LNX2: variants seen among roughly 807,000 people sequenced by gnomAD.
LNX2 encodes the protein ligand of Numb protein X 2.
A neutral mutation model predicts 66.2 loss-of-function variants in LNX2; 35 were observed. The observed-to-expected ratio is 0.53, with a 90% confidence interval of 0.40 to 0.70. LNX2 has a LOEUF of 0.70. Among genes scored for constraint, LNX2 ranks in the 30% least tolerant of loss-of-function variants. The pLI, the probability that LNX2 is intolerant of heterozygous loss-of-function variation, is 0.00. For missense variants in LNX2, 791 were observed against 850.8 expected (o/e 0.93, Z 0.87); for synonymous variants, 337 against 315.6 (o/e 1.07, Z -0.72).
At chr13:27,568,745 G>A (rs1054859301) in intron 3 of LNX2, among the ~76,000 whole-genome samples, 2 of 152,046 alleles carry the variant, frequency 1.3e-5, no homozygotes, top group Admixed American at 6.5e-5. Flanking sequence ...TAATAACCAC[G>A]CGAATGACTA....
intron 2 of LNX2, among the ~76,000 whole-genome samples, chr13:27,579,477 G>T (rs1955375426): frequency 6.6e-6 from 1 of 152,154 alleles, no homozygotes; most frequent in Admixed American, 6.5e-5. Flanking sequence ...GCTGGAAAAT[G>T]AAACCTTCAA....
intron 1 of LNX2, among the ~76,000 whole-genome samples, chr13:27,617,497 G>C (rs1469904373): frequency 6.6e-6 from 1 of 152,220 alleles, no homozygotes; most frequent in Non-Finnish European, 1.5e-5. Flanking sequence ...AAAGAAAGAA[G>C]AGGGGAAGAA....
chr13:27,603,690 G>T (rs2138458135), intron 1 of LNX2, among the ~76,000 whole-genome samples: 1 of 152,194 alleles, frequency 6.6e-6, no homozygotes, highest in Admixed American at 6.5e-5. Context: ...CCTGTCAAGG[G>T]GCAGCCAATC....
At chr13:27,562,888 A>G in intron 4 of LNX2, 107 bp from the exon 5 acceptor site, 1 of 1,127,946 alleles carries the variant, frequency 8.9e-7, no homozygotes, top group Non-Finnish European at 1.3e-6. Flanking sequence ...TGAGAGTGCT[A>G]AGTATGGTGA....
At chr13:27,619,444 G>A (rs1955867278) in intron 1 of LNX2, among the ~76,000 whole-genome samples, 2 of 152,212 alleles carry the variant, frequency 1.3e-5, no homozygotes, top group African/African-American at 4.8e-5. Context: ...CCTGTCCTGG[G>A]AAGAAGGCCA....
chr13:27,599,562 T>TA (rs1242835234), intron 1 of LNX2, among the ~76,000 whole-genome samples: 1 of 152,194 alleles, frequency 6.6e-6, no homozygotes, highest in Non-Finnish European at 1.5e-5. Flanking sequence ...ACAATATACT[T>TA]ATGTTCTAAC....
At chr13:27,550,060 TA>T (rs1461444302) in intron 9 of LNX2, among the ~76,000 whole-genome samples, 1 of 152,224 alleles carries the variant, frequency 6.6e-6, no homozygotes, top group Non-Finnish European at 1.5e-5. Context: ...CATTTCAGTC[TA>T]GATCGGGATT....
chr13:27,567,768 T>G lies in LNX2; in HGVS notation c.727A>C (p.Ile243Leu). 1 of 1,613,824 alleles carries G rather than the reference T, an allele frequency of 6.2e-7. No homozygotes were observed. Among genetic ancestry groups the G allele is most frequent in the Non-Finnish European group, 8.5e-7 (1 of 1,179,796 alleles). Residue 243 changes from isoleucine (I) to leucine (L), a missense_variant, in exon 4 of 10, where the codon ATT (isoleucine) becomes CTT (leucine). Transcript: ENST00000316334. ...TIEIHRSNPYIQLGISIVGGN... is the reference protein window; with the variant it reads ...TIEIHRSNPYLQLGISIVGGN... Reference sequence around the variant, plus strand: ...CCCACAATGCTGATTCCTAACTGAATGTAAGGATTGGACCGATGAATTTCA... The same window carrying G: ...CCCACAATGCTGATTCCTAACTGAAGGTAAGGATTGGACCGATGAATTTCA...
chr13:27,575,316 G>A (rs1466293489), intron 2 of LNX2, among the ~76,000 whole-genome samples: 1 of 152,118 alleles, frequency 6.6e-6, no homozygotes, highest in East Asian at 1.9e-4. Context: ...TACTTGTGAT[G>A]GTTAATTTTA....
At chr13:27,604,898 A>C (rs1955697836) in intron 1 of LNX2, among the ~76,000 whole-genome samples, 1 of 149,524 alleles carries the variant, frequency 6.7e-6, no homozygotes, top group African/African-American at 2.5e-5. Flanking sequence ...TGACCTACTG[A>C]ATTTTAATGG....
At chr13:27,579,104 T>C (rs886823847) in intron 2 of LNX2, among the ~76,000 whole-genome samples, 1 of 152,226 alleles carries the variant, frequency 6.6e-6, no homozygotes, top group African/African-American at 2.4e-5. Context: ...AGAGACTACC[T>C]AACACCTAGA....
intron 4 of LNX2, among the ~76,000 whole-genome samples, chr13:27,565,957 A>G (rs1232169976): frequency 6.6e-6 from 1 of 152,176 alleles, no homozygotes; most frequent in Non-Finnish European, 1.5e-5. Flanking sequence ...TTCTTTTAAT[A>G]AAGGAGATGG....
At chr13:27,593,757 CTT>C (rs1165023707) in intron 1 of LNX2, among the ~76,000 whole-genome samples, 9 of 118,078 alleles carry the variant, frequency 7.6e-5, no homozygotes, top group Admixed American at 2.6e-4. Context: ...TGTGTGTGTT[CTT>C]TTTTTTTTTT....
intron 1 of LNX2, among the ~76,000 whole-genome samples, chr13:27,583,235 T>TGCGCGCGCGCGCGCGCGC (rs1955434724): frequency 5.8e-5 from 1 of 17,144 alleles, no homozygotes; most frequent in Non-Finnish European, 1.2e-4. Context: ...TGTGTGTGTG[T>TGCGCGCGCGCGCGCGCGC]GTGTGTGTGT....
chr13:27,584,664 C>A (rs1284701928), intron 1 of LNX2, among the ~76,000 whole-genome samples: 2 of 151,346 alleles, frequency 1.3e-5, no homozygotes, highest in African/African-American at 2.4e-5. Context: ...CCAGCCTGGG[C>A]AACAAAGCGA....
chr13:27,572,115 A>T (rs1955288164), intron 2 of LNX2, among the ~76,000 whole-genome samples: 1 of 152,240 alleles, frequency 6.6e-6, no homozygotes, highest in South Asian at 2.1e-4. Context: ...GGCCTTGGGA[A>T]AATATAAATT....
rs78774800 is a variant in LNX2, at chr13:27,615,255, G to A, written c.-101+5120C>T. ...TTGCTAGAGCAGCTCACAGAACTCAGGGATACACTTACTTAGGTTTACCAG... is the reference window on the plus strand; with the variant it reads ...TTGCTAGAGCAGCTCACAGAACTCAAGGATACACTTACTTAGGTTTACCAG... On this transcript the variant is annotated intron_variant, in intron 1 of 9. Coordinates refer to ENST00000316334, the MANE Select transcript of LNX2 (RefSeq NM_153371.4). Among the ~76,000 whole-genome samples, 1,316 of 152,292 alleles carry A rather than the reference G, an allele frequency of 8.6e-3. 42 individuals are homozygous for A. The highest frequency in any genetic ancestry group is 0.052 in the Admixed American group (789 of 15,296).
chr13:27,574,885 T>C (rs1284485477), intron 2 of LNX2, among the ~76,000 whole-genome samples: 1 of 152,048 alleles, frequency 6.6e-6, no homozygotes, highest in Non-Finnish European at 1.5e-5. Flanking sequence ...CCATGGAGAC[T>C]AGAAGGCAGT....
intron 2 of LNX2, among the ~76,000 whole-genome samples, chr13:27,573,650 G>GTCT (rs1955309839): frequency 6.6e-6 from 1 of 152,080 alleles, no homozygotes; most frequent in Non-Finnish European, 1.5e-5. Context: ...CATGCACACA[G>GTCT]AACCCCCATG....
Sources: allele counts gnomAD v4.1 joint callset (sites outside exome capture counted in the v4.1 genomes callset), GRCh38; gene constraint gnomAD v4.1.1; transcripts MANE v1.5; gene names NCBI Gene and HGNC (gene_info 2026-07-23, HGNC 2026-07-21).